The following SPMIP3 variants were observed in gnomAD, a reference collection of about 807,000 sequenced individuals.
SPMIP3 encodes the protein sperm microtubule inner protein 3, also known as protein SPMIP3.
chr1:244,388,969 CCA>C, the SPMIP3 span: 1 of 1,613,420 alleles, frequency 6.2e-7, no homozygotes, highest in African/African-American at 1.3e-5. Flanking sequence ...CAGAAATTAG[CCA>C]CAGTTTCGCT....
chr1:244,386,394 A>G, the SPMIP3 span, among the ~76,000 whole-genome samples: 10 of 152,220 alleles, frequency 6.6e-5, no homozygotes, highest in South Asian at 1.0e-3. Flanking sequence ...AAATCCAAAA[A>G]ATCATTTCAC....
At chr1:244,378,672 G>A in the SPMIP3 span, 1 of 1,588,218 alleles carries the variant, frequency 6.3e-7, no homozygotes, top group Non-Finnish European at 8.6e-7. Flanking sequence ...AACTCTCTGA[G>A]ATTAACCTTG....
At chr1:244,362,726 T>C in the SPMIP3 span, among the ~76,000 whole-genome samples, 1 of 152,146 alleles carries the variant, frequency 6.6e-6, no homozygotes. Context: ...CCCAGCTGTC[T>C]ATGCATACAT....
chr1:244,365,814 C>T, the SPMIP3 span, among the ~76,000 whole-genome samples: 2 of 152,132 alleles, frequency 1.3e-5, no homozygotes, highest in Non-Finnish European at 2.9e-5. Context: ...TCTGAGCAAT[C>T]CAAGCCCACA....
chr1:244,354,499 G>A, the SPMIP3 span, among the ~76,000 whole-genome samples: 14 of 151,996 alleles, frequency 9.2e-5, no homozygotes, highest in Admixed American at 9.2e-4. Flanking sequence ...GAGACTACAG[G>A]TGTGCACCAC....
chr1:244,357,262 G>T, the SPMIP3 span, among the ~76,000 whole-genome samples: 12 of 125,352 alleles, frequency 9.6e-5, no homozygotes, highest in African/African-American at 3.4e-4. Flanking sequence ...ATAAGTAAAC[G>T]TACAGTATGG....
the SPMIP3 span, among the ~76,000 whole-genome samples, chr1:244,376,039 A>G: frequency 6.6e-6 from 1 of 152,114 alleles, no homozygotes; most frequent in Admixed American, 6.6e-5. Context: ...CTCACCCATC[A>G]TTCAAGGCAC....
At chr1:244,368,841 T>C in the SPMIP3 span, among the ~76,000 whole-genome samples, 1 of 152,190 alleles carries the variant, frequency 6.6e-6, no homozygotes, top group African/African-American at 2.4e-5. Flanking sequence ...TCACACTTAG[T>C]AGTGGCCACA....
the SPMIP3 span, among the ~76,000 whole-genome samples, chr1:244,373,332 T>TTTTATATATATA: frequency 4.2e-3 from 361 of 85,154 alleles, 48 homozygotes; most frequent in African/African-American, 0.014. Context: ...CAAAAAAAAA[T>TTTTATATATATA]TATATATATA....
chr1:244,382,216 ATT>A, the SPMIP3 span, among the ~76,000 whole-genome samples: 48 of 147,830 alleles, frequency 3.2e-4, no homozygotes, highest in Admixed American at 6.1e-4. Context: ...AGCCAAGTGC[ATT>A]TTTTTTTTTT....
the SPMIP3 span, among the ~76,000 whole-genome samples, chr1:244,373,186 G>C: frequency 6.6e-6 from 1 of 151,414 alleles, no homozygotes. Flanking sequence ...TTCCAGACCA[G>C]GCTGGGCAAC....
the SPMIP3 span, among the ~76,000 whole-genome samples, chr1:244,359,678 A>G: frequency 2.0e-5 from 3 of 151,494 alleles, no homozygotes; most frequent in African/African-American, 7.3e-5. Context: ...AGCCGAGATC[A>G]CGACATTGCA....
the SPMIP3 span, among the ~76,000 whole-genome samples, chr1:244,357,136 G>A: frequency 2.0e-5 from 3 of 151,768 alleles, no homozygotes; most frequent in African/African-American, 7.3e-5. Flanking sequence ...TGCCCAGGCT[G>A]ATCTCAAACT....
the SPMIP3 span, among the ~76,000 whole-genome samples, chr1:244,382,182 A>AT: frequency 1.3e-5 from 2 of 151,320 alleles, no homozygotes; most frequent in Admixed American, 1.3e-4. Flanking sequence ...CAGGGCTGAC[A>AT]TTCTGGTGGG....
At chr1:244,380,122 TC>T in the SPMIP3 span, among the ~76,000 whole-genome samples, 1,340 of 128,554 alleles carry the variant, frequency 0.01, 31 homozygotes, top group Non-Finnish European at 0.017. Flanking sequence ...ACAGAGTTTT[TC>T]TTTTTTTTTT....
At chr1:244,378,379 C>T in the SPMIP3 span, 16 of 1,356,226 alleles carry the variant, frequency 1.2e-5, no homozygotes, top group African/African-American at 8.7e-5. Flanking sequence ...GCCTCACGGC[C>T]GTTTCCAGGG....
the SPMIP3 span, among the ~76,000 whole-genome samples, chr1:244,360,971 A>T: frequency 6.6e-6 from 1 of 152,200 alleles, no homozygotes; most frequent in Non-Finnish European, 1.5e-5. Context: ...AGCCAGGCAC[A>T]GAAAGACAAA....
the SPMIP3 span, chr1:244,378,666 C>G: frequency 1.3e-6 from 2 of 1,596,780 alleles, no homozygotes; most frequent in Non-Finnish European, 8.6e-7. Context: ...GCTCTTAACT[C>G]TCTGAGATTA....
the SPMIP3 span, among the ~76,000 whole-genome samples, chr1:244,388,340 A>G: frequency 6.6e-6 from 1 of 152,184 alleles, no homozygotes; most frequent in African/African-American, 2.4e-5. Flanking sequence ...GTTGTGAAAA[A>G]TAATTCCCTA....
Sources: gnomAD v4.1 joint callset for allele counts (sites outside exome capture counted in the v4.1 genomes callset) on GRCh38, gnomAD v4.1.1 for gene constraint, MANE v1.5 for transcripts, NCBI Gene and HGNC (gene_info 2026-07-23, HGNC 2026-07-21) for gene names.